The following GDPGP1 variants were observed in gnomAD, a reference collection of about 807,000 sequenced individuals.
GDPGP1 encodes GDP-D-glucose phosphorylase C15orf58.
A neutral mutation model predicts 19.2 loss-of-function variants in GDPGP1; 18 were observed. That is an observed-to-expected ratio of 0.94 (90% CI 0.65 to 1.39). The LOEUF is 1.39. Ranked by LOEUF, GDPGP1 falls within the 40% of genes most tolerant of loss-of-function variation. GDPGP1 has a pLI of 0.00. For synonymous variants in GDPGP1, 219 were observed against 208.9 expected, an observed-to-expected ratio of 1.05 and a Z score of -0.42; for missense variants, 449 against 490.5, an observed-to-expected ratio of 0.92 and a Z score of 0.80.
chr15:90,238,037 C>T (rs145825936), intron 2 of GDPGP1, among the ~76,000 whole-genome samples: 23 of 152,308 alleles, frequency 1.5e-4, no homozygotes, highest in African/African-American at 5.1e-4. Context: ...CGGTGGCTCA[C>T]GCCTGTAATC....
intron 2 of GDPGP1, among the ~76,000 whole-genome samples, chr15:90,235,909 A>G (rs1266293326): frequency 6.6e-6 from 1 of 151,426 alleles, no homozygotes; most frequent in Non-Finnish European, 1.5e-5. Context: ...TGTCCGAGAA[A>G]GAGTTAGTCT....
chr15:90,240,853 G>T, intron 3 of GDPGP1, 47 bp from the exon 4 acceptor site: 1 of 1,134,240 alleles, frequency 8.8e-7, no homozygotes, highest in Non-Finnish European at 1.3e-6. Flanking sequence ...GACAATCTCT[G>T]GAGGTGGGTT....
Position 90,241,586 on chromosome 15 carries a change from C to T in GDPGP1, c.678C>T (p.His226=). The T allele has an allele frequency of 6.2e-7, 1 of 1,613,548 alleles. No homozygotes were observed. The highest frequency in any genetic ancestry group is 1.1e-5 in the South Asian group (1 of 91,088). The stretch of plus-strand genomic sequence containing the variant: ...ACCTGCATGGCTATTACCTGGCCCA[C>T]AGACTGCCCGTGGAGCAGGCGCCAA... The part of the protein sequence containing the change: ...HLHLHGYYLA[H]RLPVEQAPSE... The change falls in exon 4 of 4, where the codon CAC becomes CAT. Residue 226 remains histidine, a synonymous_variant. Coordinates refer to ENST00000329600, the MANE Select transcript of GDPGP1 (RefSeq NM_001013657.3).
At position 90,241,230 on chromosome 15, in the gene GDPGP1, C is replaced by T. The variant is rs79624080; in HGVS notation, c.322C>T (p.Pro108Ser). Reference protein sequence around the residue: ...LNVERGVQRRPPQTIKSVRQA... With the variant: ...LNVERGVQRRSPQTIKSVRQA... Reference sequence around the variant, plus strand: ...TGTGGAGCGTGGTGTGCAGAGGAGGCCCCCGCAGACCATCAAGAGTGTGAG... The same window carrying T: ...TGTGGAGCGTGGTGTGCAGAGGAGGTCCCCGCAGACCATCAAGAGTGTGAG... The change falls in exon 4 of 4, where the codon CCC becomes TCC. Residue 108 changes from proline (P) to serine (S), a missense_variant. Physicochemically the swap from Pro to Ser is moderately conservative, Grantham distance 74 (BLOSUM62 -1). Transcript: ENST00000329600. 1.2e-6 allele frequency: 2 copies of T among 1,614,074 alleles called. No individual in the cohort carries two copies. Among genetic ancestry groups the T allele is most frequent in the East Asian group, 4.5e-5 (2 of 44,878 alleles).
chr15:90,239,049 G>A (rs1432884931), intron 3 of GDPGP1, among the ~76,000 whole-genome samples: 1 of 152,186 alleles, frequency 6.6e-6, no homozygotes, highest in Non-Finnish European at 1.5e-5. Flanking sequence ...ATGAGTGTGT[G>A]AGTGTATAGG....
In GDPGP1 at chr15:90,240,960, A is replaced by C; in HGVS notation, c.52A>C (p.Asn18His). 6.2e-7 allele frequency: 1 copy of C among 1,614,028 alleles called. No homozygotes were observed. The highest frequency in any genetic ancestry group is 8.5e-7 in the Non-Finnish European group (1 of 1,179,954). Residue 18 changes from asparagine (N) to histidine (H), a missense_variant, in exon 4 of 4, where the codon AAT becomes CAT. Asn to His is a moderately conservative substitution (Grantham distance 68, BLOSUM62 1). Coordinates refer to ENST00000329600, the MANE Select transcript of GDPGP1 (RefSeq NM_001013657.3). Reference sequence around the variant, plus strand: ...AACTTCCTATTTGCTGCCTCCCAACAATGAGGACTGGGGCAGGCAAACCAT... The same window carrying C: ...AACTTCCTATTTGCTGCCTCCCAACCATGAGGACTGGGGCAGGCAAACCAT... ...NETSYLLPPNNEDWGRQTIPD... is the reference protein window; with the variant it reads ...NETSYLLPPNHEDWGRQTIPD...
rs1359844537 is a variant in GDPGP1, at chr15:90,241,182, G to C, written c.274G>C (p.Val92Leu). ...ACAGACCCAAATCCTCCCTGGTGCTGTGGGTTTCGTGGCTCAGCTGAATGT... is the reference window on the plus strand; with the variant it reads ...ACAGACCCAAATCCTCCCTGGTGCTCTGGGTTTCGTGGCTCAGCTGAATGT... ...ELQTQILPGA[V>L]GFVAQLNVER... Residue 92 changes from valine (V) to leucine (L), a missense_variant, in exon 4 of 4, where the codon GTG becomes CTG. By Grantham distance (32) the Val-to-Leu change is conservative. Transcript: ENST00000329600. The C allele has an allele frequency of 6.2e-7, 1 of 1,614,078 alleles. No homozygotes were observed. Among genetic ancestry groups the C allele is most frequent in the African/African-American group, 1.3e-5 (1 of 74,928 alleles).
rs916694448 is a variant in GDPGP1 at position 90,245,482 on chromosome 15, A to G, written c.*3416A>G. On this transcript the variant is annotated 3_prime_UTR_variant, in exon 4 of 4. Coordinates refer to ENST00000329600, the MANE Select transcript of GDPGP1 (RefSeq NM_001013657.3). ...AGAGAGACTTTGTCTCAAAAAAAAAAAAAAAGAAAAAAACAGTTTACCATT... is the reference window on the plus strand; with the variant it reads ...AGAGAGACTTTGTCTCAAAAAAAAAGAAAAAGAAAAAAACAGTTTACCATT... 1 of 151,904 alleles carries G rather than the reference A, an allele frequency of 6.6e-6. No homozygotes were observed. Among genetic ancestry groups the G allele is most frequent in the Non-Finnish European group, 1.5e-5 (1 of 67,978 alleles). 9.4% of individuals were successfully genotyped at this position (151,904 alleles called of 1,614,324 possible).
Position 90,244,075 on chromosome 15 carries a change from A to C in GDPGP1, c.*2009A>C, listed in dbSNP as rs1962820685. 1 of 151,684 alleles carries C rather than the reference A, an allele frequency of 6.6e-6. No individual in the cohort carries two copies. The highest frequency in any genetic ancestry group is 1.5e-5 in the Non-Finnish European group (1 of 68,006). 9.4% of individuals were successfully genotyped at this position (151,684 alleles called of 1,614,324 possible). A position where few individuals can be genotyped will look rare whatever the true frequency, so the allele number is the denominator to read the frequency against. ...CAGCCTGAGTCTTCTTAATACCCCC[A>C]TTCAAAACGGGATGGAGACTGACAG... On this transcript the variant is annotated 3_prime_UTR_variant, in exon 4 of 4. Transcript: ENST00000329600.
chr15:90,237,077 G>GCCT (rs1423083996), intron 2 of GDPGP1, among the ~76,000 whole-genome samples: 1 of 151,812 alleles, frequency 6.6e-6, no homozygotes, highest in African/African-American at 2.4e-5. Context: ...TCCTGCCTTA[G>GCCT]CCTCCCGAGT....
chr15:90,237,492 G>T (rs769311659), intron 2 of GDPGP1, among the ~76,000 whole-genome samples: 32 of 151,938 alleles, frequency 2.1e-4, no homozygotes, highest in South Asian at 2.1e-4. Context: ...CACCATGTTG[G>T]CCAGGATGGT....
In GDPGP1 at chr15:90,241,407, G is replaced by C. The variant is rs139186837; in HGVS notation, c.499G>C (p.Val167Leu). 2.0e-5 allele frequency: 32 copies of C among 1,613,548 alleles called. No homozygotes were observed. In the African/African-American group the frequency reaches 4.1e-4, roughly 21 times the overall value. Residue 167 changes from valine (V) to leucine (L), a missense_variant, in exon 4 of 4, where the codon GTG becomes CTG. Val to Leu is a conservative substitution (Grantham distance 32). Transcript: ENST00000329600. ...CGTCAGCCCCCTGGAGTGGGGCCACGTGCTGCTGGTGCCTGAGCCTGCCCG... is the reference window on the plus strand; with the variant it reads ...CGTCAGCCCCCTGGAGTGGGGCCACCTGCTGCTGGTGCCTGAGCCTGCCCG... Reference protein sequence around the residue: ...INVSPLEWGHVLLVPEPARQL... With the variant: ...INVSPLEWGHLLLVPEPARQL...
Position 90,240,907 on chromosome 15 carries a change from C to T in GDPGP1, c.-2C>T. The T allele has an allele frequency of 6.2e-7, 1 of 1,610,316 alleles. No individual in the cohort carries two copies. Among genetic ancestry groups the T allele is most frequent in the South Asian group, 1.1e-5 (1 of 90,942 alleles). On this transcript the variant is annotated 5_prime_UTR_variant, in exon 4 of 4. Coordinates refer to ENST00000329600, the MANE Select transcript of GDPGP1 (RefSeq NM_001013657.3). ...CTTTTATGACTATTTCAGGTCAGCT[C>T]TATGGCTCTTCCACATGATTCAAAC...
chr15:90,238,362 ATGT>A (rs1222098292), intron 2 of GDPGP1, 127 bp from the exon 3 acceptor site: 3 of 152,326 alleles, frequency 2.0e-5, no homozygotes, highest in South Asian at 2.1e-4. Flanking sequence ...CACATTCACG[ATGT>A]TGTGCGGCAA....
At position 90,244,461 on chromosome 15, in the gene GDPGP1, AAG is replaced by A. The variant is rs1343975724; in HGVS notation, c.*2400_*2401del. On this transcript the variant is annotated 3_prime_UTR_variant, in exon 4 of 4. Coordinates refer to ENST00000329600, the MANE Select transcript of GDPGP1 (RefSeq NM_001013657.3). ...GGAACTAGTCAGTAGACACTATTCT[AAG>A]AGAGTATGTGGGTGTGAAATCTCAT... 6 of 152,164 alleles carry A rather than the reference AAG, an allele frequency of 3.9e-5. No individual in the cohort carries two copies. The allele number at this position is 152,164 out of a possible 1,614,324, so 9.4% of individuals were successfully genotyped here.
At position 90,241,064 on chromosome 15, in the gene GDPGP1, T is replaced by A; in HGVS notation, c.156T>A (p.Asp52Glu). 6.2e-7 allele frequency: 1 copy of A among 1,614,186 alleles called. No homozygotes were observed. Among genetic ancestry groups the A allele is most frequent in the Admixed American group, 1.7e-5 (1 of 60,020 alleles). The change falls in exon 4 of 4, where the codon GAT becomes GAA. Residue 52 changes from aspartate to glutamate, a missense_variant. Asp to Glu is a conservative substitution (Grantham distance 45). Coordinates refer to ENST00000329600, the MANE Select transcript of GDPGP1 (RefSeq NM_001013657.3). ...QWPRNAPGIP[D>E]ALPQSPFDAA... ...CAAGGAATGCACCTGGCATCCCAGA[T>A]GCTCTGCCACAATCTCCCTTTGATG...
chr15:90,235,182 C>G (rs555440383), intron 2 of GDPGP1, among the ~76,000 whole-genome samples: 20 of 152,142 alleles, frequency 1.3e-4, no homozygotes, highest in Non-Finnish European at 2.5e-4. Context: ...GCCTAGGAAT[C>G]TACTTTACAC....
intron 3 of GDPGP1, among the ~76,000 whole-genome samples, chr15:90,239,305 ATG>A (rs4031525): frequency 0.027 from 3,985 of 147,774 alleles, 103 homozygotes; most frequent in African/African-American, 0.064. Flanking sequence ...GAGACATAAA[ATG>A]TGTGTGTGTG....
Position 90,241,530 on chromosome 15 carries a change from C to T in GDPGP1, c.622C>T (p.Leu208=). 3 of 1,613,596 alleles carry T rather than the reference C, an allele frequency of 1.9e-6. No homozygotes were observed. Among genetic ancestry groups the T allele is most frequent in the East Asian group, 2.2e-5 (1 of 44,886 alleles). The change falls in exon 4 of 4, where the codon CTG becomes TTG. Residue 208 remains leucine, a synonymous_variant. Transcript: ENST00000329600. ...GGGCTTCCGTGTCGGCTTCAACAGC[C>T]TGGGAGGCTTGGCCTCGGTGAACCA... ...HPGFRVGFNS[L]GGLASVNHLH...
Sources: allele counts gnomAD v4.1 joint callset (sites outside exome capture counted in the v4.1 genomes callset), GRCh38; gene constraint gnomAD v4.1.1; transcripts MANE v1.5; gene names NCBI Gene and HGNC (gene_info 2026-07-23, HGNC 2026-07-21).